The following SNX29 variants were observed in gnomAD, a reference collection of about 807,000 sequenced individuals.
The protein encoded by SNX29 is sorting nexin-29.
In SNX29, 78 loss-of-function variants were observed where a neutral mutation model predicts 102.1. The ratio of observed to expected loss-of-function variants is 0.76; its 90% CI spans 0.64 to 0.92. The LOEUF (loss-of-function observed/expected upper bound fraction) is 0.92. Ranked by LOEUF, SNX29 falls within the 40% of genes least tolerant of loss-of-function variation. SNX29 has a pLI of 0.00. For synonymous variants in SNX29, 580 were observed against 414.5 expected, an observed-to-expected ratio of 1.40 and a Z score of -4.85; for missense variants, 1,280 against 1,061.7, an observed-to-expected ratio of 1.21 and a Z score of -2.86.
intron 20 of SNX29, among the ~76,000 whole-genome samples, chr16:12,538,298 T>A (rs2141225376): frequency 6.6e-6 from 1 of 152,170 alleles, no homozygotes; most frequent in Admixed American, 6.5e-5. Flanking sequence ...TATTTTTGTT[T>A]TTTAGTAGAG....
intron 1 of SNX29, among the ~76,000 whole-genome samples, chr16:11,995,306 T>A (rs1004904603): frequency 6.6e-6 from 1 of 152,176 alleles, no homozygotes; most frequent in African/African-American, 2.4e-5. Flanking sequence ...CCTCATGTGA[T>A]CCGTCCGCTT....
In SNX29 at chr16:12,053,545, G is replaced by A. The variant is rs35743554; in HGVS notation, c.1124+1323G>A. Among the ~76,000 whole-genome samples the A allele has an allele frequency of 4.8e-3, 724 of 152,074 alleles. 15 individuals carry two copies. The highest frequency in any genetic ancestry group is 0.044 in the Middle Eastern group (13 of 294). On this transcript the variant is annotated intron_variant, in intron 8 of 20. Transcript: ENST00000566228. ...CTCTGTCTCTACAAAAAAATAAAAA[G>A]TATAAAATGAATATACAGAAATGTA... is the stretch of plus-strand genomic sequence containing the variant.
At chr16:12,407,501 A>T (rs1053695469) in intron 18 of SNX29, among the ~76,000 whole-genome samples, 2 of 152,224 alleles carry the variant, frequency 1.3e-5, no homozygotes, top group African/African-American at 4.8e-5. Context: ...AAACAGTCCA[A>T]AGTTTAGCAT....
chr16:12,277,204 A>G (rs1011480611), intron 14 of SNX29, among the ~76,000 whole-genome samples: 1 of 152,160 alleles, frequency 6.6e-6, no homozygotes, highest in South Asian at 2.1e-4. Context: ...CCTGGTCAAC[A>G]TGGTGAGACC....
intron 18 of SNX29, among the ~76,000 whole-genome samples, chr16:12,404,497 G>GCTGCTTC (rs2084086548): frequency 6.6e-6 from 1 of 152,094 alleles, no homozygotes; most frequent in Non-Finnish European, 1.5e-5. Context: ...CTGAGCCCCA[G>GCTGCTTC]CTGCTTCCTG....
At chr16:12,236,693 C>T (rs2077944939) in intron 14 of SNX29, among the ~76,000 whole-genome samples, 1 of 152,200 alleles carries the variant, frequency 6.6e-6, no homozygotes, top group Non-Finnish European at 1.5e-5. Flanking sequence ...TCCCTATGTG[C>T]CAGGTACCAC....
At chr16:11,995,903 T>C (rs1487320373) in intron 1 of SNX29, among the ~76,000 whole-genome samples, 2 of 151,824 alleles carry the variant, frequency 1.3e-5, no homozygotes, top group South Asian at 4.2e-4. Flanking sequence ...CTACTGAAAA[T>C]ACAAAAATTA....
At chr16:12,534,672 C>T (rs575928642) in intron 20 of SNX29, among the ~76,000 whole-genome samples, 42 of 152,290 alleles carry the variant, frequency 2.8e-4, no homozygotes, top group African/African-American at 8.9e-4. Context: ...GACGGGCTGT[C>T]GGAGGATCTT....
intron 18 of SNX29, among the ~76,000 whole-genome samples, chr16:12,439,544 C>G (rs920224643): frequency 1.3e-5 from 2 of 152,160 alleles, no homozygotes; most frequent in African/African-American, 4.8e-5. Context: ...GAATGAGAGC[C>G]AAGCGAAAGG....
chr16:12,372,306 C>G (rs149516170), intron 16 of SNX29, among the ~76,000 whole-genome samples: 380 of 152,340 alleles, frequency 2.5e-3, no homozygotes, highest in African/African-American at 8.9e-3. Context: ...GTCATTCATT[C>G]TTTGAGAAAG....
At chr16:12,567,115 C>T (rs758672048) in intron 20 of SNX29, among the ~76,000 whole-genome samples, 1 of 152,244 alleles carries the variant, frequency 6.6e-6, no homozygotes, top group Non-Finnish European at 1.5e-5. Context: ...GAATGCAAGT[C>T]TCTTAACTCA....
In SNX29 at chr16:12,053,403, T is replaced by G. The variant is rs553230086; in HGVS notation, c.1124+1181T>G. 2.0e-5 allele frequency: 3 copies of G among 151,028 alleles called. No homozygotes were observed. In the East Asian group the frequency reaches 5.8e-4, roughly 29 times the overall value. 9.4% of individuals were successfully genotyped at this position (151,028 alleles called of 1,614,324 possible). ...TACTGCAAAATCCAGTCCATTAAAG[T>G]GTAAAATGAGGCCAGGTGCAGTGGT... On this transcript the variant is annotated intron_variant, in intron 8 of 20. Coordinates refer to ENST00000566228, the MANE Select transcript of SNX29 (RefSeq NM_032167.5).
chr16:12,554,401 A>G (rs114659341), intron 20 of SNX29, among the ~76,000 whole-genome samples: 2,347 of 152,216 alleles, frequency 0.015, 55 homozygotes, highest in African/African-American at 0.053. Context: ...ATGGGTGTGC[A>G]TCGTCTTCTG....
chr16:12,238,297 T>A (rs1396547487), intron 14 of SNX29, among the ~76,000 whole-genome samples: 1 of 136,620 alleles, frequency 7.3e-6, no homozygotes, highest in East Asian at 2.2e-4. Flanking sequence ...GCCTTTTGGA[T>A]GGGCACTTTT....
chr16:12,199,931 AG>A (rs1202533773), intron 14 of SNX29, among the ~76,000 whole-genome samples: 5 of 152,204 alleles, frequency 3.3e-5, no homozygotes, highest in Admixed American at 6.5e-5. Context: ...TTGTGTACTT[AG>A]AGAATTTTAT....
intron 19 of SNX29, among the ~76,000 whole-genome samples, chr16:12,524,412 C>G (rs373034661): frequency 3.9e-5 from 6 of 151,976 alleles, no homozygotes; most frequent in African/African-American, 1.5e-4. Flanking sequence ...CCCAGCACCA[C>G]ATTCGGCACA....
chr16:12,528,506 C>T (rs545224712), intron 20 of SNX29, among the ~76,000 whole-genome samples: 1 of 152,286 alleles, frequency 6.6e-6, no homozygotes, highest in South Asian at 2.1e-4. Context: ...AGCCTAGCTT[C>T]TCTTGAAAAA....
chr16:12,524,856 C>T lies in SNX29; in HGVS notation c.2318+15C>T. 6.2e-7 allele frequency: 1 copy of T among 1,606,564 alleles called. No individual in the cohort carries two copies. The highest frequency in any genetic ancestry group is 8.5e-7 in the Non-Finnish European group (1 of 1,175,686). On this transcript the variant is annotated intron_variant, in intron 20 of 20. Coordinates refer to ENST00000566228, the MANE Select transcript of SNX29 (RefSeq NM_032167.5). The stretch of plus-strand genomic sequence containing the variant: ...CCCTTCTTCGTGTAAGTACTGCTCC[C>T]ACGGACATGGGCCGCCAGCCCTGCC...
At chr16:11,988,196 A>G (rs1488658599) in intron 1 of SNX29, among the ~76,000 whole-genome samples, 1 of 151,666 alleles carries the variant, frequency 6.6e-6, no homozygotes, top group African/African-American at 2.4e-5. Flanking sequence ...CAGGAGGCTG[A>G]GGCAGGAGAA....
Sources: gnomAD v4.1 joint callset for allele counts (sites outside exome capture counted in the v4.1 genomes callset) on GRCh38, gnomAD v4.1.1 for gene constraint, MANE v1.5 for transcripts, NCBI Gene and HGNC (gene_info 2026-07-23, HGNC 2026-07-21) for gene names.